Variants in COL11A2 observed in about 807,000 individuals in gnomAD.
The protein encoded by COL11A2 is collagen type XI alpha 2 chain.
In COL11A2, 116 loss-of-function variants were observed where a neutral mutation model predicts 273.4. That is an observed-to-expected ratio of 0.42 (90% confidence interval 0.36 to 0.49). The LOEUF is 0.49. Ranked by LOEUF, COL11A2 falls within the 20% of genes least tolerant of loss-of-function variation. The probability of loss-of-function intolerance (pLI) is 0.00; values close to 1 mark genes in which losing one functional copy is unlikely to be tolerated. For missense variants in COL11A2, 1,866 were observed against 2,309.0 expected, an observed-to-expected ratio of 0.81 and a Z score of 3.93; for synonymous variants, 782 against 864.2, an observed-to-expected ratio of 0.90 and a Z score of 1.67.
At chr6:33,175,779 G>A in intron 29 of COL11A2, 98 bp from the exon 30 acceptor site, 1 of 1,274,492 alleles carries the variant, frequency 7.8e-7, no homozygotes. Context: ...AGGGCTAGAG[G>A]GGTCCCAGGA....
At position 33,167,397 on chromosome 6, in the gene COL11A2, C is replaced by T. The variant is rs749721893; in HGVS notation, c.4122+29G>A. On this transcript the variant is annotated intron_variant, in intron 56 of 65. Transcript: ENST00000341947. The surrounding 1 kb of genome is among the most constrained non-coding windows in gnomAD (Gnocchi z 6.1). ...CTCCCATGGCCCCTCACTCCCACCCCAGCCCAGCCCTTCCCTGCAGTGACT... is the reference window on the plus strand; with the variant it reads ...CTCCCATGGCCCCTCACTCCCACCCTAGCCCAGCCCTTCCCTGCAGTGACT... 6.2e-7 allele frequency: 1 copy of T among 1,612,122 alleles called. No homozygotes were observed. Among genetic ancestry groups the T allele is most frequent in the Admixed American group, 1.7e-5 (1 of 60,012 alleles).
chr6:33,178,735 A>C lies in COL11A2; in HGVS notation c.1666-3T>G. The C allele has an allele frequency of 6.2e-7, 1 of 1,611,542 alleles. No homozygotes were observed. The highest frequency in any genetic ancestry group is 8.5e-7 in the Non-Finnish European group (1 of 1,179,784). ...AGTCCATCAAAACCTCGGTCACCCT[A>C]GGAGGAGGAAGGATAGCCAGAGTGA... is the stretch of plus-strand genomic sequence containing the variant. On this transcript the variant is annotated splice_region_variant and splice_polypyrimidine_tract_variant and intron_variant, in intron 17 of 65. Coordinates refer to ENST00000341947, the MANE Select transcript of COL11A2 (RefSeq NM_080680.3). The surrounding 1 kb of genome is among the most constrained non-coding windows in gnomAD (Gnocchi z 4.6).
At position 33,167,018 on chromosome 6, in the gene COL11A2, G is replaced by C; in HGVS notation, c.4230+52C>G. The stretch of plus-strand genomic sequence containing the variant: ...GGGCACTTGGGTCCCACAGGTTTCA[G>C]GGGCGAGGGTGATGGGAGAGACACC... On this transcript the variant is annotated intron_variant, in intron 58 of 65. Coordinates refer to ENST00000341947, the MANE Select transcript of COL11A2 (RefSeq NM_080680.3). The surrounding 1 kb of genome is among the most constrained non-coding windows in gnomAD (Gnocchi z 6.1). 2 of 1,610,716 alleles carry C rather than the reference G, an allele frequency of 1.2e-6. No homozygotes were observed. The highest frequency in any genetic ancestry group is 2.2e-5 in the South Asian group (2 of 90,912).
rs746069214 is a variant in COL11A2, at chr6:33,185,734, A to G, written c.843T>C (p.Asp281=). Residue 281 remains aspartate, a synonymous_variant, in exon 6 of 66, where the codon GAT becomes GAC. Transcript: ENST00000341947. ...CAGGGGTTGTCCCCGTAGTCATCACATCATAATAGGGGGGCTCGTAGTCAT... is the reference window on the plus strand; with the variant it reads ...CAGGGGTTGTCCCCGTAGTCATCACGTCATAATAGGGGGGCTCGTAGTCAT... The part of the protein sequence containing the change: ...LYYDYEPPYY[D]VMTTGTTPDY... The G allele has an allele frequency of 7.3e-6, 10 of 1,361,308 alleles. No homozygotes were observed. Among genetic ancestry groups the G allele is most frequent in the Non-Finnish European group, 9.8e-6 (10 of 1,018,986 alleles). The allele number at this position is 1,361,308 out of a possible 1,614,324, so 84.3% of individuals were successfully genotyped here.
intron 30 of COL11A2, among the ~76,000 whole-genome samples, chr6:33,174,909 C>G (rs1770686218): frequency 1.3e-5 from 2 of 152,096 alleles, no homozygotes; most frequent in Admixed American, 6.5e-5. Context: ...TGGGATCTAC[C>G]CCAGCACCCA....
upstream of COL11A2, among the ~76,000 whole-genome samples, chr6:33,192,846 C>A (rs1165918976): frequency 6.6e-6 from 1 of 151,866 alleles, no homozygotes; most frequent in Non-Finnish European, 1.5e-5. Flanking sequence ...GGGTCGCAGT[C>A]CCCACCCCAC....
At chr6:33,181,319 T>C in intron 8 of COL11A2, 149 bp from the exon 9 acceptor site, 1 of 810,462 alleles carries the variant, frequency 1.2e-6, no homozygotes, top group South Asian at 1.5e-5. Context: ...CCCCTAAAAC[T>C]CCCTCTTCAC....
intron 4 of COL11A2, among the ~76,000 whole-genome samples, 189 bp from the exon 5 acceptor site, chr6:33,187,007 A>G (rs997237231): frequency 2.6e-5 from 4 of 152,210 alleles, no homozygotes; most frequent in Non-Finnish European, 5.9e-5. Context: ...AACAACCAGG[A>G]AAGTTGGCAG....
At position 33,189,265 on chromosome 6, in the gene COL11A2, C is replaced by G; in HGVS notation, c.232+55G>C. On this transcript the variant is annotated intron_variant, in intron 2 of 65. Transcript: ENST00000341947. The surrounding 1 kb of genome is among the most constrained non-coding windows in gnomAD (Gnocchi z 5.6). ...AACCCCTTTCCTCCTGGTGTCTGATCCTAGGCCCCATCCCATTACCTCCCC... is the reference window on the plus strand; with the variant it reads ...AACCCCTTTCCTCCTGGTGTCTGATGCTAGGCCCCATCCCATTACCTCCCC... 1 of 1,613,684 alleles carries G rather than the reference C, an allele frequency of 6.2e-7. No homozygotes were observed. The highest frequency in any genetic ancestry group is 8.5e-7 in the Non-Finnish European group (1 of 1,179,684).
At position 33,169,968 on chromosome 6, in the gene COL11A2, C is replaced by T; in HGVS notation, c.3636+79G>A. The T allele has an allele frequency of 1.9e-6, 3 of 1,612,750 alleles. No individual in the cohort carries two copies. The highest frequency in any genetic ancestry group is 2.5e-6 in the Non-Finnish European group (3 of 1,178,860). On this transcript the variant is annotated intron_variant, in intron 49 of 65. Coordinates refer to ENST00000341947, the MANE Select transcript of COL11A2 (RefSeq NM_080680.3). This position sits in a 1 kb window ranked among gnomAD's most constrained non-coding sequence, Gnocchi z 5.5. ...TTCCCCACATCTCATTCTCTTTTGT[C>T]TCCCCACCCAAAATTGGCAGAAATC... is the stretch of plus-strand genomic sequence containing the variant.
In COL11A2 at chr6:33,167,020, G is replaced by A. The variant is rs1159802525; in HGVS notation, c.4230+50C>T. On this transcript the variant is annotated intron_variant, in intron 58 of 65. Transcript: ENST00000341947. The surrounding 1 kb of genome is among the most constrained non-coding windows in gnomAD (Gnocchi z 6.1). ...GCACTTGGGTCCCACAGGTTTCAGG[G>A]GCGAGGGTGATGGGAGAGACACCTG... 1 of 1,610,784 alleles carries A rather than the reference G, an allele frequency of 6.2e-7. No individual in the cohort carries two copies. Among genetic ancestry groups the A allele is most frequent in the Non-Finnish European group, 8.5e-7 (1 of 1,178,712 alleles).
chr6:33,171,310 G>C lies in COL11A2; in HGVS notation c.3273C>G (p.Asp1091Glu), dbSNP rs751745705. 6.2e-7 allele frequency: 1 copy of C among 1,614,218 alleles called. No individual in the cohort carries two copies. The highest frequency in any genetic ancestry group is 1.1e-5 in the South Asian group (1 of 91,088). ...GEDGDKGEVG[D>E]PGQKGTKGNK... ...TCCCTTTGGTGCCCTTCTGTCCGGG[G>C]TCCCCCACCTCACCCTGGGAGGAGA... The change falls in exon 44 of 66, where the codon GAC becomes GAG. Residue 1091 changes from aspartate to glutamate, a missense_variant. Physicochemically the swap from Asp to Glu is conservative, Grantham distance 45. Coordinates refer to ENST00000341947, the MANE Select transcript of COL11A2 (RefSeq NM_080680.3).
chr6:33,168,914 C>T (rs1239316705), intron 52 of COL11A2, 41 bp downstream of exon 52: 1 of 1,600,348 alleles, frequency 6.2e-7, no homozygotes, highest in South Asian at 1.1e-5. Context: ...CCATAGAAGC[C>T]CCACCCTTTT....
At position 33,192,265 on chromosome 6, in the gene COL11A2, C is replaced by G. The variant is rs1332189206; in HGVS notation, c.-25G>C. The G allele has an allele frequency of 1.3e-6, 2 of 1,549,702 alleles. No individual in the cohort carries two copies. The highest frequency in any genetic ancestry group is 8.7e-7 in the Non-Finnish European group (1 of 1,146,892). Reference sequence around the variant, plus strand: ...TGGCTGAGAAGCCGAAACGCCGGGTCCCAGGGACCCAGGTCGGCCTGAGAC... The same window carrying G: ...TGGCTGAGAAGCCGAAACGCCGGGTGCCAGGGACCCAGGTCGGCCTGAGAC... On this transcript the variant is annotated 5_prime_UTR_variant, in exon 1 of 66. Transcript: ENST00000341947.
At position 33,170,931 on chromosome 6, in the gene COL11A2, G is replaced by A. The variant is rs748550238; in HGVS notation, c.3367-14C>T. ...CCCATCTGCTCCCTGCAGGGTTGAG[G>A]GAAAGCAGAGACAAGGACACAGGGA... On this transcript the variant is annotated splice_polypyrimidine_tract_variant and intron_variant, in intron 45 of 65. Coordinates refer to ENST00000341947, the MANE Select transcript of COL11A2 (RefSeq NM_080680.3). The surrounding 1 kb of genome is among the most constrained non-coding windows in gnomAD (Gnocchi z 4.3). 2.5e-6 allele frequency: 4 copies of A among 1,609,830 alleles called. No individual in the cohort carries two copies. In the South Asian group the frequency reaches 4.4e-5, roughly 18 times the overall value.
chr6:33,192,697 C>A (rs1773293800), upstream of COL11A2, among the ~76,000 whole-genome samples: 1 of 152,122 alleles, frequency 6.6e-6, no homozygotes, highest in Non-Finnish European at 1.5e-5. Context: ...TCTTCCCTAG[C>A]CCCTTCCTTT....
rs775993606 is a variant in COL11A2, at chr6:33,172,106, A to G, written c.2989-3T>C. ...TTCCCCTTCAAACCAGGTCCACCCT[A>G]TGAACCAGACATTTGGGGAAGATGA... On this transcript the variant is annotated splice_region_variant and splice_polypyrimidine_tract_variant and intron_variant, in intron 40 of 65. Transcript: ENST00000341947. 6 of 1,612,774 alleles carry G rather than the reference A, an allele frequency of 3.7e-6. No homozygotes were observed. Among genetic ancestry groups the G allele is most frequent in the Non-Finnish European group, 5.1e-6 (6 of 1,179,978 alleles).
rs779569420 is a variant in COL11A2, at chr6:33,168,554, C to T, written c.3925G>A (p.Gly1309Arg). 13 of 1,613,682 alleles carry T rather than the reference C, an allele frequency of 8.1e-6. No individual in the cohort carries two copies. Among genetic ancestry groups the T allele is most frequent in the South Asian group, 4.4e-5 (4 of 91,064 alleles). ...AGTGGCCCTGGGGGTCCATTCTCCCCGGTGGGACCAGGGGATCCCTAGGGA... is the reference window on the plus strand; with the variant it reads ...AGTGGCCCTGGGGGTCCATTCTCCCTGGTGGGACCAGGGGATCCCTAGGGA... ...PGQPGSPGPT[G>R]ENGPPGPLGK... The change falls in exon 54 of 66, where the codon GGG becomes AGG. Residue 1309 changes from glycine to arginine, a missense_variant. Physicochemically the swap from Gly to Arg is moderately radical, Grantham distance 125. Transcript: ENST00000341947.
Position 33,170,281 on chromosome 6 carries a change from G to C in COL11A2, c.3582+45C>G. 1 of 1,603,848 alleles carries C rather than the reference G, an allele frequency of 6.2e-7. No individual in the cohort carries two copies. The highest frequency in any genetic ancestry group is 8.5e-7 in the Non-Finnish European group (1 of 1,172,702). On this transcript the variant is annotated intron_variant, in intron 48 of 65. Coordinates refer to ENST00000341947, the MANE Select transcript of COL11A2 (RefSeq NM_080680.3). The surrounding 1 kb of genome is among the most constrained non-coding windows in gnomAD (Gnocchi z 4.3). ...TATGGTCTGGGAAAGGGAGGCAGAA[G>C]ACCAGACACATTGGTCTCAAGGGAC...
Sources: gnomAD v4.1 joint callset for allele counts (sites outside exome capture counted in the v4.1 genomes callset) on GRCh38, gnomAD v4.1.1 for gene constraint, Gnocchi (gnomAD v3.1) non-coding constraint, MANE v1.5 for transcripts, NCBI Gene and HGNC (gene_info 2026-07-23, HGNC 2026-07-21) for gene names.